The following TLK1 variants were observed in gnomAD, a reference collection of about 807,000 sequenced individuals.
TLK1 encodes the protein serine/threonine-protein kinase tousled-like 1.
A neutral mutation model predicts 105.3 loss-of-function variants in TLK1; 24 were observed. The ratio of observed to expected loss-of-function variants is 0.23; its 90% confidence interval spans 0.17 to 0.32. TLK1 has a LOEUF of 0.32. Ranked by LOEUF, TLK1 falls within the 10% of genes least tolerant of loss-of-function variation. The pLI, the probability that TLK1 is intolerant of heterozygous loss-of-function variation, is 1.00. For missense variants in TLK1, 558 were observed against 910.5 expected, an observed-to-expected ratio of 0.61 and a Z score of 4.98; for synonymous variants, 321 against 310.4, an observed-to-expected ratio of 1.03 and a Z score of -0.36.
At chr2:171,231,088 T>C (rs1050647868) in intron 1 of TLK1, 1 of 152,198 alleles carries the variant, frequency 6.6e-6, no homozygotes, top group Non-Finnish European at 1.5e-5. Context: ...AGAAATACAA[T>C]ATTGCAAATT....
At chr2:171,151,435 C>T (rs893797996) in intron 1 of TLK1, among the ~76,000 whole-genome samples, 16 of 150,794 alleles carry the variant, frequency 1.1e-4, no homozygotes, top group Non-Finnish European at 2.2e-4. Context: ...TTACAAATGC[C>T]GGGAATAGTG....
At chr2:171,186,421 G>A (rs561114167) in intron 1 of TLK1, among the ~76,000 whole-genome samples, 2 of 152,264 alleles carry the variant, frequency 1.3e-5, no homozygotes, top group South Asian at 2.1e-4. Context: ...GGAAATTTTC[G>A]TCACAATGAT....
chr2:171,120,412 T>C (rs1051862641), intron 1 of TLK1, among the ~76,000 whole-genome samples: 4 of 152,102 alleles, frequency 2.6e-5, no homozygotes, highest in South Asian at 2.1e-4. Flanking sequence ...AAAGGATTGA[T>C]ATCCAGAATA....
chr2:171,224,167 C>T (rs1239815355), intron 1 of TLK1, among the ~76,000 whole-genome samples: 1 of 152,096 alleles, frequency 6.6e-6, no homozygotes. Context: ...CCACATATGG[C>T]TATCCAGTTT....
At chr2:171,126,770 A>G (rs187820273) in intron 1 of TLK1, among the ~76,000 whole-genome samples, 4 of 152,010 alleles carry the variant, frequency 2.6e-5, no homozygotes, top group Admixed American at 2.6e-4. Flanking sequence ...GCTACTTTTC[A>G]TATTACACTT....
intron 11 of TLK1, among the ~76,000 whole-genome samples, chr2:171,040,584 T>G (rs904371609): frequency 2.7e-5 from 4 of 149,736 alleles, no homozygotes. Context: ...TTTTTTTTTT[T>G]TTTTTGAGAC....
intron 1 of TLK1, among the ~76,000 whole-genome samples, chr2:171,196,746 C>T (rs983309032): frequency 2.6e-5 from 4 of 152,124 alleles, no homozygotes; most frequent in Non-Finnish European, 4.4e-5. Flanking sequence ...GTCTGGAGGC[C>T]ATTGTCAGCC....
At chr2:171,081,208 T>C (rs554934059) in intron 3 of TLK1, among the ~76,000 whole-genome samples, 32 of 152,344 alleles carry the variant, frequency 2.1e-4, no homozygotes, top group Non-Finnish European at 4.1e-4. Flanking sequence ...AATTCTCTTA[T>C]AGACTAATTC....
chr2:171,034,123 G>GT (rs1686198829), intron 11 of TLK1, among the ~76,000 whole-genome samples: 1 of 152,164 alleles, frequency 6.6e-6, no homozygotes. Flanking sequence ...AAAGTAAAAA[G>GT]TATTGTCAAG....
chr2:171,195,215 A>C (rs986354627), intron 1 of TLK1, among the ~76,000 whole-genome samples: 3 of 152,138 alleles, frequency 2.0e-5, no homozygotes, highest in Non-Finnish European at 2.9e-5. Flanking sequence ...TGTATAAAAC[A>C]TAATCCGGCC....
At position 171,058,179 on chromosome 2, in the gene TLK1, C is replaced by A. The variant is rs1687589799; in HGVS notation, c.425G>T (p.Arg142Leu). Residue 142 changes from arginine to leucine, a missense_variant, in exon 5 of 21, where the codon CGT (arginine) becomes CTT (leucine). By Grantham distance (102) the Arg-to-Leu change is moderately radical. This residue lies in a region of TLK1 where 196 missense variants were observed against 239.3 expected (regional missense o/e 0.82). Coordinates refer to ENST00000431350, the MANE Select transcript of TLK1 (RefSeq NM_012290.5). ...AAAATAGTCGCTAATTTTGTGGCCA[C>A]GTCCCCCAATACTTTTTCCTAAAAT... ...ESSQGKSIGG[R>L]GHKISDYFEY... 4.3e-6 allele frequency: 7 copies of A among 1,613,458 alleles called. No homozygotes were observed. Among genetic ancestry groups the A allele is most frequent in the Non-Finnish European group, 5.1e-6 (6 of 1,179,556 alleles).
chr2:171,224,825 A>G (rs1235654373), intron 1 of TLK1, among the ~76,000 whole-genome samples: 2 of 152,236 alleles, frequency 1.3e-5, no homozygotes, highest in Non-Finnish European at 2.9e-5. Context: ...TATAGCAATC[A>G]AGACAGTGAT....
In TLK1 at chr2:171,219,289, C is replaced by A. The variant is rs537869484; in HGVS notation, c.-6+11856G>T. On this transcript the variant is annotated intron_variant, in intron 1 of 20. Coordinates refer to the TLK1 transcript ENST00000521943. ...TCTTTCAAATTATGGAGGCTGCTGG[C>A]ATTCCTTGGCTTGTGGCTGCATCAC... Among the ~76,000 whole-genome samples, 12 of 152,278 alleles carry A rather than the reference C, an allele frequency of 7.9e-5. No homozygotes were observed. The South Asian group carries it at 1.2e-3, about 16-fold the overall frequency.
At chr2:171,089,609 A>G (rs1231373352) in intron 2 of TLK1, among the ~76,000 whole-genome samples, 2 of 152,022 alleles carry the variant, frequency 1.3e-5, no homozygotes, top group African/African-American at 2.4e-5. Flanking sequence ...GCTGGACTTT[A>G]TTCTCTTTCA....
chr2:171,058,943 G>A (rs1164201047), intron 4 of TLK1, among the ~76,000 whole-genome samples: 2 of 152,078 alleles, frequency 1.3e-5, no homozygotes. Context: ...ATTCAATGCT[G>A]ACTTATTTCA....
intron 3 of TLK1, among the ~76,000 whole-genome samples, chr2:171,068,195 G>T (rs560923382): frequency 6.6e-6 from 1 of 152,090 alleles, no homozygotes; most frequent in Middle Eastern, 3.2e-3. Context: ...CAGATCTGGT[G>T]GTGAGCACCT....
In TLK1 at chr2:171,160,449, C is replaced by T. The variant is rs1457462141; in HGVS notation, c.-21G>A. 3 of 1,587,106 alleles carry T rather than the reference C, an allele frequency of 1.9e-6. No homozygotes were observed. The highest frequency in any genetic ancestry group is 2.6e-6 in the Non-Finnish European group (3 of 1,169,168). ...CTCATCAAGCTACTTTCTGGGAACC[C>T]GACTCCCCCCCTGCGACGGCAGCGG... On this transcript the variant is annotated 5_prime_UTR_variant, in exon 1 of 21. Coordinates refer to ENST00000431350, the MANE Select transcript of TLK1 (RefSeq NM_012290.5). This position sits in a 1 kb window ranked among gnomAD's most constrained non-coding sequence, Gnocchi z 4.4.
At chr2:171,185,678 T>C (rs1192417756) in intron 1 of TLK1, among the ~76,000 whole-genome samples, 1 of 152,234 alleles carries the variant, frequency 6.6e-6, no homozygotes, top group Non-Finnish European at 1.5e-5. Flanking sequence ...GCTGTTAGAT[T>C]GGGCTAGTGT....
intron 10 of TLK1, 74 bp from the exon 11 acceptor site, chr2:171,046,436 T>C: frequency 1.4e-6 from 2 of 1,447,012 alleles, no homozygotes. Flanking sequence ...AAAAAATGCA[T>C]AAAAAACATG....
Sources: allele counts gnomAD v4.1 joint callset (sites outside exome capture counted in the v4.1 genomes callset), GRCh38; gene constraint gnomAD v4.1.1; regional missense constraint gnomAD v4.1.1; non-coding constraint Gnocchi (gnomAD v3.1); transcripts MANE v1.5; gene names NCBI Gene and HGNC (gene_info 2026-07-23, HGNC 2026-07-21).